TTN: variants seen among roughly 807,000 people sequenced by gnomAD.
TTN encodes the protein titin, also known as connectin.
In TTN, 1,525 loss-of-function variants were observed where a neutral mutation model predicts 3,223.0. That is an observed-to-expected ratio of 0.47 (90% CI 0.45 to 0.49). The LOEUF (loss-of-function observed/expected upper bound fraction) is 0.49. TTN is among the 20% of genes least tolerant of loss of function. TTN has a pLI of 0.00. For synonymous variants in TTN, 14,094 were observed against 15,161.0 expected, an observed-to-expected ratio of 0.93 and a Z score of 5.17; for missense variants, 40,786 against 43,424.0, an observed-to-expected ratio of 0.94 and a Z score of 5.40.
At chr2:178,732,809 A>G in intron 55 of TTN, 25 bp downstream of exon 55, 2 of 1,589,538 alleles carry the variant, frequency 1.3e-6, no homozygotes, top group Non-Finnish European at 8.6e-7. Flanking sequence ...TTTAATAAGG[A>G]TAAAATGCAA....
Position 178,776,125 on chromosome 2 carries a change from G to T in TTN, c.5739C>A (p.Thr1913=), listed in dbSNP as rs530291008. The T allele has an allele frequency of 1.2e-6, 2 of 1,614,020 alleles. No individual in the cohort carries two copies. Among genetic ancestry groups the T allele is most frequent in the East Asian group, 4.5e-5 (2 of 44,870 alleles). Residue 1913 remains threonine, a synonymous_variant, in exon 28 of 363, where the codon ACC becomes ACA. Transcript: ENST00000589042. ...CTATCACACCTTCAGGATTTTCCGC[G>T]GTGACCTTCACTTCACCTGTGTCAT... ...KSYDTGEVKV[T]AENPEGVIEH...
chr2:178,610,924 A>T lies in TTN; in HGVS notation c.51136+69T>A, dbSNP rs901580916. 8 of 1,573,542 alleles carry T rather than the reference A, an allele frequency of 5.1e-6. No individual in the cohort carries two copies. The Admixed American group carries it at 5.5e-5, about 11-fold the overall frequency. Reference sequence around the variant, plus strand: ...TCATGAAGCCAATTATATTATTAATAGCACTGCAAAGTTAACTAATTTCCT... The same window carrying T: ...TCATGAAGCCAATTATATTATTAATTGCACTGCAAAGTTAACTAATTTCCT... On this transcript the variant is annotated intron_variant, in intron 270 of 362. Transcript: ENST00000589042.
In TTN at chr2:178,633,402, G is replaced by A. The variant is rs372909189; in HGVS notation, c.42946+11C>T. ...CAGATAGGGTAAATTTTACATTGTTGAGCAACTCACCCTCAACAGTAACAT... is the reference window on the plus strand; with the variant it reads ...CAGATAGGGTAAATTTTACATTGTTAAGCAACTCACCCTCAACAGTAACAT... On this transcript the variant is annotated intron_variant, in intron 232 of 362. Coordinates refer to ENST00000589042, the MANE Select transcript of TTN (RefSeq NM_001267550.2). 46 of 1,613,060 alleles carry A rather than the reference G, an allele frequency of 2.9e-5. No individual in the cohort carries two copies. Among genetic ancestry groups the A allele is most frequent in the Non-Finnish European group, 3.6e-5 (43 of 1,179,524 alleles).
chr2:178,540,886 T>G (rs1053194760), intron 350 of TTN, among the ~76,000 whole-genome samples: 7 of 152,204 alleles, frequency 4.6e-5, no homozygotes, highest in Non-Finnish European at 7.3e-5. Context: ...CTTTCCTTTC[T>G]CTTAAATGTG....
chr2:178,555,052 C>G lies in TTN; in HGVS notation c.88407G>C (p.Ala29469=). The G allele has an allele frequency of 6.2e-7, 1 of 1,613,712 alleles. No individual in the cohort carries two copies. Among genetic ancestry groups the G allele is most frequent in the Non-Finnish European group, 8.5e-7 (1 of 1,179,822 alleles). The change falls in exon 331 of 363, where the codon GCG becomes GCC. Residue 29469 remains alanine, a synonymous_variant. Transcript: ENST00000589042. The stretch of plus-strand genomic sequence containing the variant: ...CATCTTTATACCACTCAATAGTAGG[C>G]GCAGGTTTGCCAGAAATGCCAGCTC... The part of the protein sequence containing the change: ...KLRAGISGKP[A]PTIEWYKDDK...
At chr2:178,651,358 A>C (rs1261625541) in intron 207 of TTN, 38 bp from the exon 208 acceptor site, 1 of 1,605,896 alleles carries the variant, frequency 6.2e-7, no homozygotes. Flanking sequence ...AGAAACAATC[A>C]CCAGTAAACA....
Position 178,692,688 on chromosome 2 carries a change from A to G in TTN, c.31595-108T>C, listed in dbSNP as rs193187423. 1.5e-5 allele frequency: 12 copies of G among 781,212 alleles called. No individual in the cohort carries two copies. In the African/African-American group the frequency reaches 1.8e-4, roughly 12 times the overall value. 48.4% of individuals were successfully genotyped at this position (781,212 alleles called of 1,614,324 possible). A position where few individuals can be genotyped will look rare whatever the true frequency, so the allele number is the denominator to read the frequency against. ...TTCCCTTTTTATACCAACTGAATGC[A>G]AGAAAATTATGCTTTAGAAATGAGA... On this transcript the variant is annotated intron_variant, in intron 119 of 362. Transcript: ENST00000589042.
In TTN at chr2:178,561,390, G is replaced by T; in HGVS notation, c.84742C>A (p.Pro28248Thr). The T allele has an allele frequency of 1.2e-6, 2 of 1,613,590 alleles. No individual in the cohort carries two copies. The highest frequency in any genetic ancestry group is 1.7e-6 in the Non-Finnish European group (2 of 1,179,756). Residue 28248 changes from proline to threonine, a missense_variant, in exon 326 of 363, where the codon CCT becomes ACT. Transcript: ENST00000589042. Reference sequence around the variant, plus strand: ...GGAGGGTCACAAGGATCTCTTGCAGGGACTGGTTCACAAGATTTACTGCAT... The same window carrying T: ...GGAGGGTCACAAGGATCTCTTGCAGTGACTGGTTCACAAGATTTACTGCAT... ...GKCSKSCEPV[P>T]ARDPCDPPGQ...
In TTN at chr2:178,571,427, G is replaced by A; in HGVS notation, c.74705C>T (p.Ala24902Val). 2 of 1,613,412 alleles carry A rather than the reference G, an allele frequency of 1.2e-6. No individual in the cohort carries two copies. Among genetic ancestry groups the A allele is most frequent in the Non-Finnish European group, 1.7e-6 (2 of 1,179,578 alleles). ...ACCAGGAACTTTGAATGGATATTGG[G>A]CTACAGTAGGCTCTGAATTGAGGTA... ...STYLNSEPTV[A>V]QYPFKVPGPP... The change falls in exon 326 of 363, where the codon GCC becomes GTC. Residue 24902 changes from alanine (A) to valine (V), a missense_variant. Ala to Val is a moderately conservative substitution (Grantham distance 64). Transcript: ENST00000589042.
intron 73 of TTN, 22 bp downstream of exon 73, chr2:178,723,834 A>G (rs1413347464): frequency 1.3e-6 from 2 of 1,574,444 alleles, no homozygotes; most frequent in African/African-American, 2.7e-5. Context: ...GAAATTCCTT[A>G]CAAGTTTGAC....
rs761148465 is a variant in TTN at position 178,725,993 on chromosome 2, C to G, written c.20329G>C (p.Glu6777Gln). 9 of 1,600,008 alleles carry G rather than the reference C, an allele frequency of 5.6e-6. No homozygotes were observed. The Admixed American group carries it at 1.4e-4, about 24-fold the overall frequency. Residue 6777 changes from glutamate (E) to glutamine (Q), a missense_variant, in exon 70 of 363, where the codon GAA becomes CAA. Physicochemically the swap from Glu to Gln is conservative, Grantham distance 29 (BLOSUM62 2). Transcript: ENST00000589042. ...PPIVETLKNAEVSLECELSGT... is the reference protein window; with the variant it reads ...PPIVETLKNAQVSLECELSGT... ...GAAAGTTCACATTCAAGACTGACTT[C>G]AGCATTTTTAAGGGTTTCTACTATA...
At position 178,536,845 on chromosome 2, in the gene TTN, C is replaced by T. The variant is rs906751055; in HGVS notation, c.100171+93G>A. 15 of 1,201,098 alleles carry T rather than the reference C, an allele frequency of 1.2e-5. No individual in the cohort carries two copies. In the African/African-American group the frequency reaches 2.2e-4, roughly 17 times the overall value. The allele number at this position is 1,201,098 out of a possible 1,614,324, so 74.4% of individuals were successfully genotyped here. On this transcript the variant is annotated intron_variant, in intron 356 of 362. Coordinates refer to ENST00000589042, the MANE Select transcript of TTN (RefSeq NM_001267550.2). ...CACTTGTACTTTATCTGAATCTTTG[C>T]TATTTCCTTTCAAAATTTCTTTCTG...
chr2:178,693,801 AG>A (rs1359890777), intron 118 of TTN, 112 bp from the exon 119 acceptor site: 18 of 1,239,678 alleles, frequency 1.5e-5, no homozygotes, highest in Non-Finnish European at 1.8e-5. Context: ...GAAATGAAAA[AG>A]ATGACAGAAT....
Position 178,605,549 on chromosome 2 carries a change from G to A in TTN, c.53746C>T (p.Leu17916Phe). 1 of 1,612,430 alleles carries A rather than the reference G, an allele frequency of 6.2e-7. No individual in the cohort carries two copies. Among genetic ancestry groups the A allele is most frequent in the Non-Finnish European group, 8.5e-7 (1 of 1,178,916 alleles). The part of the protein sequence containing the change: ...KPDFERVNKR[L>F]CPTTSFLVEN... The stretch of plus-strand genomic sequence containing the variant: ...ACCAGAAAAGATGTGGTTGGGCAGA[G>A]TCGCTTGTTAACTCTTTCAAAGTCA... The change falls in exon 279 of 363, where the codon CTC becomes TTC. Residue 17916 changes from leucine (L) to phenylalanine (F), a missense_variant. By Grantham distance (22) the Leu-to-Phe change is conservative. Transcript: ENST00000589042.
At position 178,594,568 on chromosome 2, in the gene TTN, T is replaced by A; in HGVS notation, c.57926A>T (p.Lys19309Met). ...NTVTLTWNPP[K>M]YDGGSEIINY... ...AATAATTTCTGACCCACCATCATAC[T>A]TAGGAGGATTCCAAGTCAAAGTTAC... is the stretch of plus-strand genomic sequence containing the variant. The change falls in exon 296 of 363, where the codon AAG becomes ATG. Residue 19309 changes from lysine to methionine, a missense_variant. Transcript: ENST00000589042. 6.2e-7 allele frequency: 1 copy of A among 1,613,148 alleles called. No individual in the cohort carries two copies. The highest frequency in any genetic ancestry group is 8.5e-7 in the Non-Finnish European group (1 of 1,179,410).
In TTN at chr2:178,713,125, C is replaced by G; in HGVS notation, c.27009G>C (p.Met9003Ile). Residue 9003 changes from methionine to isoleucine, a missense_variant, in exon 93 of 363, where the codon ATG becomes ATC. Physicochemically the swap from Met to Ile is conservative, Grantham distance 10 (BLOSUM62 1). Coordinates refer to ENST00000589042, the MANE Select transcript of TTN (RefSeq NM_001267550.2). ...SGDYTCIATN[M>I]AGSDECSAPL... Reference sequence around the variant, plus strand: ...GAGCACTACATTCATCAGAACCAGCCATATTAGTAGCTATACATGTGTAGT... The same window carrying G: ...GAGCACTACATTCATCAGAACCAGCGATATTAGTAGCTATACATGTGTAGT... 2 of 1,613,722 alleles carry G rather than the reference C, an allele frequency of 1.2e-6. No individual in the cohort carries two copies. Among genetic ancestry groups the G allele is most frequent in the South Asian group, 2.2e-5 (2 of 91,060 alleles).
chr2:178,759,778 A>G (rs2154337216), intron 43 of TTN, among the ~76,000 whole-genome samples: 1 of 152,324 alleles, frequency 6.6e-6, no homozygotes, highest in Non-Finnish European at 1.5e-5. Flanking sequence ...TTTTTAAATA[A>G]AGAGGGTGAT....
Position 178,584,845 on chromosome 2 carries a change from T to C in TTN, c.64796A>G (p.Lys21599Arg). The change falls in exon 310 of 363, where the codon AAG becomes AGG. Residue 21599 changes from lysine to arginine, a missense_variant. Transcript: ENST00000589042. ...GSNITNYIVE[K>R]CDVSRGDWVT... is the part of the protein sequence containing the mutation. ...CCAGTCACCTCGGCTTACATCACAC[T>C]TCTCCACTATATAATTGGTGATGTT... 6.2e-7 allele frequency: 1 copy of C among 1,613,368 alleles called. No individual in the cohort carries two copies. The highest frequency in any genetic ancestry group is 8.5e-7 in the Non-Finnish European group (1 of 1,179,518).
At position 178,586,748 on chromosome 2, in the gene TTN, A is replaced by G. The variant is rs374290228; in HGVS notation, c.64153T>C (p.Leu21385=). The change falls in exon 308 of 363, where the codon TTA becomes CTA. Residue 21385 remains leucine (L), a synonymous_variant. Transcript: ENST00000589042. ...VTEMTKNSAT[L]AWLPPLRDGG... is the part of the protein sequence containing the mutation. ...TCACGTAGGGGAGGTAACCAGGCTA[A>G]GGTGGCACTGTTCTTGGTCATTTCA... The G allele has an allele frequency of 8.1e-6, 13 of 1,613,022 alleles. No homozygotes were observed. The African/African-American group carries it at 1.7e-4, about 22-fold the overall frequency.
Sources: gnomAD v4.1 joint callset for allele counts (sites outside exome capture counted in the v4.1 genomes callset) on GRCh38, gnomAD v4.1.1 for gene constraint, MANE v1.5 for transcripts, NCBI Gene and HGNC (gene_info 2026-07-23, HGNC 2026-07-21) for gene names.